ERCC8: variants seen among roughly 807,000 people sequenced by gnomAD.
ERCC8 encodes ERCC excision repair 8, CSA ubiquitin ligase complex subunit.
ERCC8 carries 52 observed loss-of-function variants against 54.9 expected under a neutral mutation model. That is an observed-to-expected ratio of 0.95 (90% confidence interval 0.76 to 1.19). ERCC8 has a LOEUF of 1.19. Among genes scored for constraint, ERCC8 ranks in the 50% most tolerant of loss-of-function variants. The probability of loss-of-function intolerance (pLI) is 0.00; values close to 1 mark genes in which losing one functional copy is unlikely to be tolerated. For missense variants in ERCC8, 514 were observed against 466.1 expected (o/e 1.10, Z -0.95); for synonymous variants, 146 against 157.2 (o/e 0.93, Z 0.53).
intron 1 of ERCC8, among the ~76,000 whole-genome samples, chr5:60,930,489 G>A (rs1749876439): frequency 1.3e-5 from 2 of 151,284 alleles, no homozygotes; most frequent in Admixed American, 6.6e-5. Flanking sequence ...CCTGGGAGGC[G>A]GAGGTTGCAG....
Position 60,870,411 on chromosome 5 carries a change from G to A in ERCC8, c.*4204C>T, listed in dbSNP as rs1427828080. 2.0e-5 allele frequency among the ~76,000 whole-genome samples: 3 copies of A among 149,048 alleles called. No individual in the cohort carries two copies. Among genetic ancestry groups the A allele is most frequent in the African/African-American group, 2.5e-5 (1 of 40,520 alleles). ...GTAAATCCCAGCACTTTGGGAGGCC[G>A]AGGCTGGTGGATCACTAGAGCCCAG... On this transcript the variant is annotated 3_prime_UTR_variant, in exon 12 of 12. Transcript: ENST00000676185.
intron 11 of ERCC8, among the ~76,000 whole-genome samples, chr5:60,877,669 G>GTATAAGAATTTGT (rs1279599400): frequency 6.6e-6 from 1 of 150,778 alleles, no homozygotes; most frequent in African/African-American, 2.4e-5. Flanking sequence ...TGATTTGGCT[G>GTATAAGAATTTGT]TTTGTCTGTT....
At chr5:60,884,533 T>TTTG (rs1554072317) in intron 11 of ERCC8, among the ~76,000 whole-genome samples, 24 of 150,774 alleles carry the variant, frequency 1.6e-4, no homozygotes, top group Middle Eastern at 3.4e-3. Flanking sequence ...GTTTTTTTTT[T>TTTG]TTTTGTTTTC....
rs543801373 is a variant in ERCC8 at position 60,929,364 on chromosome 5, G to A, written c.78-405C>T. ...TAATCCTAGCGCTTTGGGAGGCTGA[G>A]GTGAGAAGACTCCCTGAGACCAGGA... is the stretch of plus-strand genomic sequence containing the variant. On this transcript the variant is annotated intron_variant, in intron 1 of 11. Coordinates refer to ENST00000676185, the MANE Select transcript of ERCC8 (RefSeq NM_000082.4). 3.3e-5 allele frequency among the ~76,000 whole-genome samples: 5 copies of A among 152,118 alleles called. No individual in the cohort carries two copies. In the South Asian group the frequency reaches 6.2e-4, roughly 19 times the overall value.
At chr5:60,910,441 A>G (rs1749224313) in intron 4 of ERCC8, among the ~76,000 whole-genome samples, 1 of 152,186 alleles carries the variant, frequency 6.6e-6, no homozygotes, top group Non-Finnish European at 1.5e-5. Flanking sequence ...TCTGATAGAA[A>G]ATGCATTGAT....
rs1366281860 is a variant in ERCC8 at position 60,871,849 on chromosome 5, G to A, written c.*2766C>T. Among the ~76,000 whole-genome samples the A allele has an allele frequency of 6.6e-6, 1 of 152,114 alleles. No individual in the cohort carries two copies. The highest frequency in any genetic ancestry group is 1.5e-5 in the Non-Finnish European group (1 of 68,014). The stretch of plus-strand genomic sequence containing the variant: ...AAGGTCTCGCCATGTCACCCAGGCT[G>A]GAGTGTAGTGACACGATCTTGGCTC... On this transcript the variant is annotated 3_prime_UTR_variant, in exon 12 of 12. Transcript: ENST00000676185.
intron 11 of ERCC8, among the ~76,000 whole-genome samples, chr5:60,882,121 G>A (rs1490397150): frequency 1.1e-4 from 16 of 152,138 alleles, no homozygotes; most frequent in African/African-American, 1.9e-4. Flanking sequence ...GATTACAGGC[G>A]TGAGCCACTG....
intron 6 of ERCC8, 161 bp downstream of exon 6, chr5:60,903,487 A>G: frequency 8.1e-7 from 1 of 1,228,606 alleles, no homozygotes; most frequent in East Asian, 2.7e-5. Flanking sequence ...TCAGTTTTAT[A>G]AGAATAATGC....
chr5:60,922,223 C>A (rs1749621365), intron 2 of ERCC8, 68 bp from the exon 3 acceptor site: 1 of 1,059,236 alleles, frequency 9.4e-7, no homozygotes, highest in South Asian at 1.3e-5. Flanking sequence ...TTTATGATTG[C>A]AAATTTCTAA....
chr5:60,904,108 T>C (rs1216138249), intron 5 of ERCC8, among the ~76,000 whole-genome samples: 3 of 152,064 alleles, frequency 2.0e-5, no homozygotes, highest in Admixed American at 6.6e-5. Context: ...ACAGTTCTAT[T>C]CCATTTTATC....
In ERCC8 at chr5:60,884,368, C is replaced by T. The variant is rs186050887; in HGVS notation, c.1122+3072G>A. Reference sequence around the variant, plus strand: ...GTGGGCGCCTGTAGTCCCAGCTACTCGGGAGGCTGAGGCAGGAGAATGGCG... The same window carrying T: ...GTGGGCGCCTGTAGTCCCAGCTACTTGGGAGGCTGAGGCAGGAGAATGGCG... On this transcript the variant is annotated intron_variant, in intron 11 of 11. Transcript: ENST00000676185. 3.6e-3 allele frequency among the ~76,000 whole-genome samples: 547 copies of T among 150,056 alleles called. 3 individuals carry two copies. Among genetic ancestry groups the T allele is most frequent in the Non-Finnish European group, 5.7e-3 (385 of 67,742 alleles).
At chr5:60,912,978 G>A (rs35319315) in intron 4 of ERCC8, among the ~76,000 whole-genome samples, 1 of 152,010 alleles carries the variant, frequency 6.6e-6, no homozygotes, top group African/African-American at 2.4e-5. Flanking sequence ...TTGATGTGCT[G>A]TTGGATTCAG....
In ERCC8 at chr5:60,874,562, A is replaced by G; in HGVS notation, c.*53T>C. 1 of 1,501,532 alleles carries G rather than the reference A, an allele frequency of 6.7e-7. No homozygotes were observed. The highest frequency in any genetic ancestry group is 9.3e-7 in the Non-Finnish European group (1 of 1,080,932). The allele number at this position is 1,501,532 out of a possible 1,614,324, so 93.0% of individuals were successfully genotyped here. ...AATAGACCATACAGTTGAAAAAAAC[A>G]CAGTCTCATTTAAAAAGTTTCAGCA... is the stretch of plus-strand genomic sequence containing the variant. On this transcript the variant is annotated 3_prime_UTR_variant, in exon 12 of 12. Coordinates refer to ENST00000676185, the MANE Select transcript of ERCC8 (RefSeq NM_000082.4).
At chr5:60,888,008 A>G (rs1307391515) in intron 10 of ERCC8, among the ~76,000 whole-genome samples, 1 of 152,230 alleles carries the variant, frequency 6.6e-6, no homozygotes. Flanking sequence ...CCTGTTGAGA[A>G]GTTTACTTCA....
chr5:60,910,917 T>C (rs1169959534), intron 4 of ERCC8, among the ~76,000 whole-genome samples: 3 of 152,118 alleles, frequency 2.0e-5, no homozygotes, highest in African/African-American at 7.2e-5. Context: ...GAGGAAATAA[T>C]GAGGATAATG....
intron 4 of ERCC8, among the ~76,000 whole-genome samples, chr5:60,913,555 A>G (rs1749337170): frequency 6.6e-6 from 1 of 151,932 alleles, no homozygotes; most frequent in African/African-American, 2.4e-5. Context: ...TCCTGGATTC[A>G]TTGATTTTTT....
intron 11 of ERCC8, among the ~76,000 whole-genome samples, chr5:60,884,966 A>G (rs1748352508): frequency 2.0e-5 from 3 of 152,246 alleles, no homozygotes; most frequent in East Asian, 1.9e-4. Context: ...AGTTCAAACT[A>G]TCACTATAAC....
At chr5:60,905,089 T>A (rs1390483601) in intron 4 of ERCC8, among the ~76,000 whole-genome samples, 1 of 152,070 alleles carries the variant, frequency 6.6e-6, no homozygotes, top group Non-Finnish European at 1.5e-5. Context: ...AAATATGTTT[T>A]CCCAATAAAT....
intron 2 of ERCC8, among the ~76,000 whole-genome samples, chr5:60,927,809 T>TA (rs1449669194): frequency 6.6e-6 from 1 of 152,208 alleles, no homozygotes; most frequent in Non-Finnish European, 1.5e-5. Context: ...AGAAAAGAAT[T>TA]ATTACTCATC....
Sources: gnomAD v4.1 joint callset for allele counts (sites outside exome capture counted in the v4.1 genomes callset) on GRCh38, gnomAD v4.1.1 for gene constraint, MANE v1.5 for transcripts, NCBI Gene and HGNC (gene_info 2026-07-23, HGNC 2026-07-21) for gene names.